Variants in VEGFC observed in about 807,000 individuals in gnomAD.
The protein encoded by VEGFC is vascular endothelial growth factor C.
Under a neutral mutation model 46.1 loss-of-function variants are expected in VEGFC, and 12 were observed. That is an observed-to-expected ratio of 0.26 (90% CI 0.17 to 0.42). The LOEUF is 0.42. VEGFC is among the 10% of genes least tolerant of loss of function. The probability of loss-of-function intolerance (pLI) is 1.00; values close to 1 mark genes in which losing one functional copy is unlikely to be tolerated. For missense variants in VEGFC, 488 were observed against 529.4 expected (o/e 0.92, Z 0.77); for synonymous variants, 232 against 195.5 (o/e 1.19, Z -1.56).
intron 3 of VEGFC, among the ~76,000 whole-genome samples, chr4:176,722,237 G>A (rs1301598262): frequency 6.6e-6 from 1 of 152,060 alleles, no homozygotes; most frequent in Non-Finnish European, 1.5e-5. Flanking sequence ...TTGGGAAGAA[G>A]TTGACAAAAC....
chr4:176,757,475 C>T lies in VEGFC; in HGVS notation c.148-27729G>A, dbSNP rs144761913. 3.9e-5 allele frequency among the ~76,000 whole-genome samples: 6 copies of T among 152,026 alleles called. No individual in the cohort carries two copies. In the East Asian group the frequency reaches 5.8e-4, roughly 15 times the overall value. On this transcript the variant is annotated intron_variant, in intron 1 of 6. Coordinates refer to ENST00000618562, the MANE Select transcript of VEGFC (RefSeq NM_005429.5). Reference sequence around the variant, plus strand: ...AATGGGTAATTTGATCTGTTAACAACGATTTCAATAATAGAAAGCAAGACT... The same window carrying T: ...AATGGGTAATTTGATCTGTTAACAATGATTTCAATAATAGAAAGCAAGACT...
intron 1 of VEGFC, among the ~76,000 whole-genome samples, chr4:176,744,485 G>A (rs771654453): frequency 8.6e-5 from 13 of 152,036 alleles, no homozygotes; most frequent in Non-Finnish European, 1.6e-4. Context: ...TCAAGTGGGA[G>A]GCAATGTAGT....
rs565630089 is a variant in VEGFC, at chr4:176,698,146, A to T, written c.705-10219T>A. 6.6e-3 allele frequency among the ~76,000 whole-genome samples: 986 copies of T among 150,226 alleles called. 13 individuals are homozygous for T. The highest frequency in any genetic ancestry group is 0.019 in the African/African-American group (768 of 41,032). On this transcript the variant is annotated intron_variant, in intron 4 of 6. Coordinates refer to ENST00000618562, the MANE Select transcript of VEGFC (RefSeq NM_005429.5). The stretch of plus-strand genomic sequence containing the variant: ...ACTTAAAGTATAATAATAAAAATAA[A>T]AATAATAATAATAATAATAATTACT...
At chr4:176,685,287 C>T (rs1734018697) in intron 6 of VEGFC, among the ~76,000 whole-genome samples, 1 of 152,176 alleles carries the variant, frequency 6.6e-6, no homozygotes, top group South Asian at 2.1e-4. Context: ...GGATATGATA[C>T]TTAATGATCC....
chr4:176,735,665 G>A (rs1186616839), intron 1 of VEGFC, among the ~76,000 whole-genome samples: 2 of 151,836 alleles, frequency 1.3e-5, no homozygotes, highest in African/African-American at 2.4e-5. Context: ...TACATATGCA[G>A]GCTTCTGAAC....
intron 4 of VEGFC, among the ~76,000 whole-genome samples, chr4:176,690,742 A>ATCT (rs59086751): frequency 0.23 from 35,063 of 152,058 alleles, 6,676 homozygotes; most frequent in African/African-American, 0.53. Context: ...GAAACTCATA[A>ATCT]TCTTCTATAA....
chr4:176,707,684 T>C (rs776723792), intron 4 of VEGFC, among the ~76,000 whole-genome samples: 47 of 152,152 alleles, frequency 3.1e-4, no homozygotes, highest in Non-Finnish European at 6.0e-4. Flanking sequence ...TATTCCTTAA[T>C]ACTTAAATTC....
chr4:176,709,502 C>T (rs893866081), intron 4 of VEGFC, among the ~76,000 whole-genome samples: 28 of 152,224 alleles, frequency 1.8e-4, no homozygotes, highest in African/African-American at 5.3e-4. Flanking sequence ...CCGTGGTATT[C>T]GGACAAGACA....
At chr4:176,698,697 ACT>A (rs1734369654) in intron 4 of VEGFC, among the ~76,000 whole-genome samples, 1 of 151,850 alleles carries the variant, frequency 6.6e-6, no homozygotes, top group Non-Finnish European at 1.5e-5. Flanking sequence ...AAGTTGTCAC[ACT>A]CTAACATTTC....
intron 4 of VEGFC, among the ~76,000 whole-genome samples, chr4:176,695,017 A>G (rs1734282602): frequency 7.8e-6 from 1 of 128,946 alleles, no homozygotes; most frequent in Admixed American, 8.0e-5. Context: ...AATGCCCACA[A>G]GAGAAAGCAG....
In VEGFC at chr4:176,761,705, G is replaced by A. The variant is rs1197214613; in HGVS notation, c.147+30460C>T. On this transcript the variant is annotated intron_variant, in intron 1 of 6. Coordinates refer to ENST00000618562, the MANE Select transcript of VEGFC (RefSeq NM_005429.5). ...CAGCCAGTTTCCCTACATTATACAT[G>A]TGCCTATGTAACCTTGGAAAAATAA... 2.0e-5 allele frequency among the ~76,000 whole-genome samples: 3 copies of A among 152,280 alleles called. No homozygotes were observed. In the East Asian group the frequency reaches 5.8e-4, roughly 29 times the overall value.
At chr4:176,741,926 G>A (rs1443753284) in intron 1 of VEGFC, among the ~76,000 whole-genome samples, 1 of 151,942 alleles carries the variant, frequency 6.6e-6, no homozygotes, top group Non-Finnish European at 1.5e-5. Context: ...GCGATATGCA[G>A]ATCAGAAATA....
intron 1 of VEGFC, among the ~76,000 whole-genome samples, chr4:176,743,449 T>A (rs1579118286): frequency 1.3e-5 from 2 of 151,838 alleles, no homozygotes; most frequent in South Asian, 4.2e-4. Context: ...TCATGACAAC[T>A]GACTAGAGAC....
intron 6 of VEGFC, among the ~76,000 whole-genome samples, chr4:176,684,850 C>T (rs980997993): frequency 1.3e-5 from 2 of 152,106 alleles, no homozygotes; most frequent in Admixed American, 6.5e-5. Context: ...CTCAGCCTCC[C>T]GAGTAGCTGG....
intron 1 of VEGFC, among the ~76,000 whole-genome samples, chr4:176,749,902 A>G (rs929013091): frequency 6.6e-6 from 1 of 151,762 alleles, no homozygotes; most frequent in Non-Finnish European, 1.5e-5. Flanking sequence ...ATATTCTATA[A>G]CATATTGTGT....
At chr4:176,700,916 C>T (rs1443744549) in intron 4 of VEGFC, among the ~76,000 whole-genome samples, 1 of 152,130 alleles carries the variant, frequency 6.6e-6, no homozygotes, top group Non-Finnish European at 1.5e-5. Context: ...GTTGATATGA[C>T]ATCAAAGTGG....
At chr4:176,778,391 TA>T (rs1735851081) in intron 1 of VEGFC, among the ~76,000 whole-genome samples, 1 of 45,544 alleles carries the variant, frequency 2.2e-5, no homozygotes, top group Non-Finnish European at 7.7e-5. Context: ...AACACATATT[TA>T]GGAAAAAAAA....
chr4:176,729,497 A>G (rs562347555), intron 2 of VEGFC, 36 bp downstream of exon 2: 3 of 1,582,692 alleles, frequency 1.9e-6, no homozygotes, highest in African/African-American at 2.7e-5. Flanking sequence ...GGTTTGATAT[A>G]TAAGGCTTAC....
intron 1 of VEGFC, among the ~76,000 whole-genome samples, chr4:176,767,847 A>G (rs1035477999): frequency 1.4e-4 from 22 of 152,128 alleles, no homozygotes; most frequent in African/African-American, 4.8e-4. Flanking sequence ...GAAGATAAGA[A>G]CCAGTGAGAC....
Sources: allele counts gnomAD v4.1 joint callset (sites outside exome capture counted in the v4.1 genomes callset), GRCh38; gene constraint gnomAD v4.1.1; transcripts MANE v1.5; gene names NCBI Gene and HGNC (gene_info 2026-07-23, HGNC 2026-07-21).